Variants in SIL1 observed in about 807,000 individuals in gnomAD.
SIL1 encodes the protein nucleotide exchange factor SIL1.
SIL1 carries 40 observed loss-of-function variants against 49.1 expected under a neutral mutation model. That is an observed-to-expected ratio of 0.81 (90% CI 0.63 to 1.06). SIL1 has a LOEUF of 1.06. SIL1 is among the 50% of genes least tolerant of loss of function. The pLI is 0.00. For synonymous variants in SIL1, 253 were observed against 250.8 expected (o/e 1.01, Z -0.08); for missense variants, 500 against 572.6 (o/e 0.87, Z 1.29).
intron 7 of SIL1, among the ~76,000 whole-genome samples, chr5:138,981,831 C>T (rs1269295443): frequency 6.8e-6 from 1 of 147,856 alleles, no homozygotes; most frequent in Non-Finnish European, 1.5e-5. Flanking sequence ...ATCTCTCTCT[C>T]TTTTTTTTTT....
chr5:139,060,419 T>C (rs923763797), intron 3 of SIL1, among the ~76,000 whole-genome samples: 2 of 152,212 alleles, frequency 1.3e-5, no homozygotes, highest in Non-Finnish European at 2.9e-5. Context: ...CTTTTTTGTG[T>C]TAAAATGTCC....
At chr5:139,074,835 A>AT (rs893221869) in intron 3 of SIL1, among the ~76,000 whole-genome samples, 17 of 151,124 alleles carry the variant, frequency 1.1e-4, no homozygotes, top group African/African-American at 3.2e-4. Flanking sequence ...TTTTATTTTT[A>AT]TTTTTTTTGA....
At chr5:139,080,174 C>T (rs937470737) in intron 3 of SIL1, among the ~76,000 whole-genome samples, 2 of 152,126 alleles carry the variant, frequency 1.3e-5, no homozygotes, top group Non-Finnish European at 2.9e-5. Flanking sequence ...CAGATTTTAC[C>T]ACCCATTGGA....
intron 1 of SIL1, among the ~76,000 whole-genome samples, chr5:139,132,488 T>G (rs1315874387): frequency 2.0e-5 from 3 of 152,020 alleles, no homozygotes; most frequent in African/African-American, 7.2e-5. Context: ...CCTCTATATA[T>G]TTTTCCACAA....
chr5:139,000,675 A>G (rs1018992434), intron 7 of SIL1, among the ~76,000 whole-genome samples: 3 of 152,156 alleles, frequency 2.0e-5, no homozygotes, highest in Non-Finnish European at 4.4e-5. Flanking sequence ...ACCTCAAGGA[A>G]AGATTTCTTA....
chr5:138,952,457 G>A (rs1342123391), intron 7 of SIL1, among the ~76,000 whole-genome samples: 1 of 152,218 alleles, frequency 6.6e-6, no homozygotes, highest in Non-Finnish European at 1.5e-5. Context: ...TACCCAGGCA[G>A]ATCCTAAAAC....
At chr5:139,167,602 T>G (rs1380870906) in intron 1 of SIL1, among the ~76,000 whole-genome samples, 1 of 152,232 alleles carries the variant, frequency 6.6e-6, no homozygotes, top group African/African-American at 2.4e-5. Flanking sequence ...GTCAACAGTT[T>G]TAAATTTTAA....
chr5:139,023,017 C>A (rs1410281629), intron 6 of SIL1, among the ~76,000 whole-genome samples: 1 of 152,186 alleles, frequency 6.6e-6, no homozygotes, highest in African/African-American at 2.4e-5. Context: ...AGCTGCCACT[C>A]GGTCAGCTCC....
rs542554336 is a variant in SIL1, at chr5:139,043,238, G to A, written c.354-519C>T. On this transcript the variant is annotated intron_variant, in intron 4 of 9. Coordinates refer to ENST00000394817, the MANE Select transcript of SIL1 (RefSeq NM_022464.5). ...CATGGGGCAGACAGAAGCCATCCAC[G>A]AACAGAGGGCTCTCAGCCAGCTTCT... Among the ~76,000 whole-genome samples, 70 of 152,264 alleles carry A rather than the reference G, an allele frequency of 4.6e-4. 1 individual carries two copies. The South Asian group carries it at 9.3e-3, about 20-fold the overall frequency.
At chr5:139,051,101 C>T (rs574132791) in intron 3 of SIL1, 55 bp from the exon 4 acceptor site, 164 of 1,549,046 alleles carry the variant, frequency 1.1e-4, no homozygotes, top group Middle Eastern at 3.4e-4. Flanking sequence ...GGAAGGCTGT[C>T]GGGATGGCCA....
intron 7 of SIL1, among the ~76,000 whole-genome samples, chr5:138,959,711 C>T (rs1766977111): frequency 2.6e-5 from 4 of 152,372 alleles, no homozygotes; most frequent in African/African-American, 9.6e-5. Flanking sequence ...GTTCCACTTA[C>T]TGATGAATCC....
intron 3 of SIL1, among the ~76,000 whole-genome samples, chr5:139,096,377 C>G (rs543199643): frequency 6.6e-6 from 1 of 152,104 alleles, no homozygotes; most frequent in South Asian, 2.1e-4. Context: ...AGGACTGTAA[C>G]TCTCAGGTGA....
At chr5:139,011,025 A>G (rs1053480048) in intron 7 of SIL1, among the ~76,000 whole-genome samples, 2 of 149,366 alleles carry the variant, frequency 1.3e-5, no homozygotes, top group Admixed American at 1.3e-4. Context: ...TGTTTACCTA[A>G]GCAAGCCTGG....
intron 7 of SIL1, among the ~76,000 whole-genome samples, chr5:138,998,005 G>T (rs1456619955): frequency 6.6e-6 from 1 of 152,136 alleles, no homozygotes; most frequent in African/African-American, 2.4e-5. Flanking sequence ...AATTGCACTG[G>T]TATTTTGATA....
intron 1 of SIL1, among the ~76,000 whole-genome samples, chr5:139,136,589 T>G (rs1434636178): frequency 6.6e-6 from 1 of 152,134 alleles, no homozygotes; most frequent in African/African-American, 2.4e-5. Context: ...TGGAGAATCC[T>G]GAGAAAATCC....
Position 139,025,105 on chromosome 5 carries a change from T to C in SIL1, c.645+1696A>G, listed in dbSNP as rs1768615142. Among the ~76,000 whole-genome samples the C allele has an allele frequency of 2.0e-5, 3 of 152,216 alleles. No individual in the cohort carries two copies. In the South Asian group the frequency reaches 6.2e-4, roughly 32 times the overall value. On this transcript the variant is annotated intron_variant, in intron 6 of 9. Transcript: ENST00000394817. ...TTGTCTATCTGCTTCTGCTAGAAGG[T>C]TAAGCCCTAATTTTGTTCATAGACG...
chr5:139,145,383 TA>T (rs1406359345), intron 1 of SIL1, among the ~76,000 whole-genome samples: 4 of 152,178 alleles, frequency 2.6e-5, no homozygotes, highest in African/African-American at 9.7e-5. Context: ...GGTGGGAGTA[TA>T]AAATGTTGCA....
chr5:139,078,535 G>A (rs1445492941), intron 3 of SIL1, among the ~76,000 whole-genome samples: 7 of 152,130 alleles, frequency 4.6e-5, no homozygotes, highest in Non-Finnish European at 8.8e-5. Flanking sequence ...CTGGGGAGAC[G>A]CAGAACAGCA....
chr5:138,984,619 A>G (rs1767611692), intron 7 of SIL1, among the ~76,000 whole-genome samples: 1 of 152,072 alleles, frequency 6.6e-6, no homozygotes. Flanking sequence ...TTAGCCTCCC[A>G]AAGTGCTAGG....
Sources: gnomAD v4.1 joint callset for allele counts (sites outside exome capture counted in the v4.1 genomes callset) on GRCh38, gnomAD v4.1.1 for gene constraint, MANE v1.5 for transcripts, NCBI Gene and HGNC (gene_info 2026-07-23, HGNC 2026-07-21) for gene names.